MAF: variants seen among roughly 807,000 people sequenced by gnomAD.
The protein encoded by MAF is MAF bZIP transcription factor.
Under a neutral mutation model 22.0 loss-of-function variants are expected in MAF, and 10 were observed. That is an observed-to-expected ratio of 0.45 (90% CI 0.28 to 0.77). MAF has a LOEUF of 0.77. Ranked by LOEUF, MAF falls within the 30% of genes least tolerant of loss-of-function variation. The probability of loss-of-function intolerance (pLI) is 0.12; values close to 1 mark genes in which losing one functional copy is unlikely to be tolerated. For missense variants in MAF, 544 were observed against 548.4 expected, an observed-to-expected ratio of 0.99 and a Z score of 0.08; for synonymous variants, 337 against 255.8, an observed-to-expected ratio of 1.32 and a Z score of -3.03.
the MAF span, among the ~76,000 whole-genome samples, chr16:79,397,254 G>A: frequency 6.6e-6 from 1 of 152,106 alleles, no homozygotes; most frequent in African/African-American, 2.4e-5. Flanking sequence ...TCTTTACCGT[G>A]GTTTTCTTGC....
the MAF span, among the ~76,000 whole-genome samples, chr16:79,366,919 G>C: frequency 6.6e-6 from 1 of 152,158 alleles, no homozygotes; most frequent in Non-Finnish European, 1.5e-5. Flanking sequence ...AAAGACTATT[G>C]AAAGTGTGTA....
chr16:79,481,815 G>A, the MAF span, among the ~76,000 whole-genome samples: 1 of 152,198 alleles, frequency 6.6e-6, no homozygotes, highest in African/African-American at 2.4e-5. Flanking sequence ...CACTAGAATG[G>A]AGAGCAATGC....
At chr16:79,264,554 G>C in the MAF span, 1 of 152,190 alleles carries the variant, frequency 6.6e-6, no homozygotes, top group Non-Finnish European at 1.5e-5. Flanking sequence ...ACTATGGCGA[G>C]GCTGAGCCAG....
chr16:79,558,123 C>A, the MAF span, among the ~76,000 whole-genome samples: 14,064 of 150,956 alleles, frequency 0.093, 765 homozygotes, highest in Middle Eastern at 0.12. Flanking sequence ...TGAAGTATCT[C>A]ACAATTGGAG....
chr16:79,526,681 A>C, the MAF span, among the ~76,000 whole-genome samples: 1 of 152,146 alleles, frequency 6.6e-6, no homozygotes, highest in African/African-American at 2.4e-5. Context: ...CAAAAAACAA[A>C]ACAAAACACT....
chr16:79,555,924 A>G, the MAF span, among the ~76,000 whole-genome samples: 1 of 152,238 alleles, frequency 6.6e-6, no homozygotes, highest in African/African-American at 2.4e-5. Context: ...ATAGATGTAG[A>G]TAACTGCAAG....
the MAF span, among the ~76,000 whole-genome samples, chr16:79,427,096 G>C: frequency 1.3e-5 from 2 of 152,202 alleles, no homozygotes; most frequent in African/African-American, 4.8e-5. Context: ...CTAATCTGTT[G>C]TGAGGACCAC....
At chr16:79,216,477 C>T in the MAF span, among the ~76,000 whole-genome samples, 2 of 152,166 alleles carry the variant, frequency 1.3e-5, no homozygotes, top group Non-Finnish European at 2.9e-5. Context: ...TTAGAGTACC[C>T]ATATGACTAT....
chr16:79,222,427 A>C, the MAF span, among the ~76,000 whole-genome samples: 1 of 152,200 alleles, frequency 6.6e-6, no homozygotes, highest in Non-Finnish European at 1.5e-5. Context: ...AAACTGCATC[A>C]ACTAATGGGC....
chr16:79,320,177 A>G, the MAF span, among the ~76,000 whole-genome samples: 1 of 152,204 alleles, frequency 6.6e-6, no homozygotes, highest in Non-Finnish European at 1.5e-5. Flanking sequence ...TTCTTTGGGT[A>G]CAATGGAAAC....
chr16:79,419,468 A>G, the MAF span, among the ~76,000 whole-genome samples: 1 of 152,208 alleles, frequency 6.6e-6, no homozygotes. Context: ...GTCGCCTTAC[A>G]GTTTCCATGC....
At chr16:79,225,039 G>T in the MAF span, among the ~76,000 whole-genome samples, 18 of 152,126 alleles carry the variant, frequency 1.2e-4, no homozygotes, top group Admixed American at 5.9e-4. Context: ...AACCAAAAAA[G>T]AGCCCACATA....
chr16:79,534,737 T>G, the MAF span, among the ~76,000 whole-genome samples: 2 of 151,842 alleles, frequency 1.3e-5, no homozygotes, highest in Admixed American at 6.6e-5. Context: ...AAAGTATAAT[T>G]TAAAAAAAAG....
chr16:79,588,100 TGAA>T (rs1230929148), intron 1 of MAF, among the ~76,000 whole-genome samples: 1 of 152,196 alleles, frequency 6.6e-6, no homozygotes, highest in Non-Finnish European at 1.5e-5. Flanking sequence ...ACCTAACAAT[TGAA>T]GAGTTCTTTA....
At chr16:79,475,123 G>T in the MAF span, among the ~76,000 whole-genome samples, 1 of 152,292 alleles carries the variant, frequency 6.6e-6, no homozygotes, top group African/African-American at 2.4e-5. Flanking sequence ...GCTCAGCAGT[G>T]TCCCTTCTCT....
chr16:79,414,681 G>A, the MAF span, among the ~76,000 whole-genome samples: 1 of 152,258 alleles, frequency 6.6e-6, no homozygotes, highest in Non-Finnish European at 1.5e-5. Flanking sequence ...GTCTCAAAGA[G>A]ATGGTTTGGG....
chr16:79,383,050 G>A, the MAF span, among the ~76,000 whole-genome samples: 7 of 152,248 alleles, frequency 4.6e-5, no homozygotes, highest in Non-Finnish European at 5.9e-5. Context: ...ATAAATAGGG[G>A]CAAAAGAATA....
chr16:79,396,008 C>T, the MAF span, among the ~76,000 whole-genome samples: 2 of 152,196 alleles, frequency 1.3e-5, no homozygotes, highest in African/African-American at 2.4e-5. Context: ...CAAGGGGAAG[C>T]TTTTCCTCAA....
the MAF span, among the ~76,000 whole-genome samples, chr16:79,409,485 G>C: frequency 2.0e-5 from 3 of 152,178 alleles, no homozygotes; most frequent in Non-Finnish European, 2.9e-5. Context: ...CAGCTTGCTC[G>C]ATAGCTTGGG....
Sources: gnomAD v4.1 joint callset for allele counts (sites outside exome capture counted in the v4.1 genomes callset) on GRCh38, gnomAD v4.1.1 for gene constraint, MANE v1.5 for transcripts, NCBI Gene and HGNC (gene_info 2026-07-23, HGNC 2026-07-21) for gene names.